TRDN: variants seen among roughly 807,000 people sequenced by gnomAD.
TRDN encodes the protein triadin.
A neutral mutation model predicts 149.7 loss-of-function variants in TRDN; 161 were observed. The observed-to-expected ratio is 1.08, with a 90% CI of 0.95 to 1.23. The LOEUF is 1.23. Among genes scored for constraint, TRDN ranks in the 50% most tolerant of loss-of-function variants. The pLI, the probability that TRDN is intolerant of heterozygous loss-of-function variation, is 0.00. For synonymous variants in TRDN, 294 were observed against 250.5 expected, an observed-to-expected ratio of 1.17 and a Z score of -1.64; for missense variants, 896 against 823.5, an observed-to-expected ratio of 1.09 and a Z score of -1.08.
chr6:123,420,973 A>G (rs1582997932), intron 12 of TRDN, among the ~76,000 whole-genome samples: 2 of 152,362 alleles, frequency 1.3e-5, no homozygotes, highest in African/African-American at 2.4e-5. Context: ...TTAAAAAGTC[A>G]TCATGACAGA....
At chr6:123,223,700 C>A (rs986629109) in intron 39 of TRDN, among the ~76,000 whole-genome samples, 2 of 148,308 alleles carry the variant, frequency 1.3e-5, no homozygotes, top group African/African-American at 4.9e-5. Context: ...TTCCTTCCTT[C>A]CTTCCTTCCT....
chr6:123,378,210 A>G (rs1243183940), intron 16 of TRDN, among the ~76,000 whole-genome samples: 1 of 152,210 alleles, frequency 6.6e-6, no homozygotes, highest in Non-Finnish European at 1.5e-5. Context: ...TTGCTATTAT[A>G]TTAGATCAAT....
chr6:123,411,335 G>T (rs148377825), intron 12 of TRDN, among the ~76,000 whole-genome samples: 1 of 152,006 alleles, frequency 6.6e-6, no homozygotes, highest in Non-Finnish European at 1.5e-5. Context: ...ATGAGCCACC[G>T]CACCCAGCCT....
chr6:123,497,422 A>G (rs567181892), intron 8 of TRDN, among the ~76,000 whole-genome samples, 170 bp from the exon 9 acceptor site: 1 of 152,148 alleles, frequency 6.6e-6, no homozygotes, highest in Non-Finnish European at 1.5e-5. Flanking sequence ...AGAAGGAAAG[A>G]AAGACGACAA....
intron 24 of TRDN, among the ~76,000 whole-genome samples, chr6:123,280,061 G>A (rs6936977): frequency 0.14 from 21,730 of 152,116 alleles, 1,814 homozygotes; most frequent in African/African-American, 0.22. Flanking sequence ...CTTCCGCTTA[G>A]TGCTTGGAGA....
Position 123,337,647 on chromosome 6 carries a change from C to A in TRDN, c.1392G>T (p.Gly464=), listed in dbSNP as rs1462023826. ...TATCTTTCAGAATTGAAGAAGTCTT[C>A]CCAGATTTTTCTTTTCTAATTTCTG... ...VEQEIRKEKS[G]KTSSILKDKE... The change falls in exon 22 of 41, where the codon GGG becomes GGT. Residue 464 remains glycine, a synonymous_variant. Transcript: ENST00000334268. 1.4e-6 allele frequency: 2 copies of A among 1,449,732 alleles called. No homozygotes were observed. Among genetic ancestry groups the A allele is most frequent in the South Asian group, 1.4e-5 (1 of 72,758 alleles). 89.8% of individuals were successfully genotyped at this position (1,449,732 alleles called of 1,614,324 possible).
intron 1 of TRDN, among the ~76,000 whole-genome samples, chr6:123,634,493 T>C (rs1327375039): frequency 6.6e-6 from 1 of 151,600 alleles, no homozygotes; most frequent in African/African-American, 2.4e-5. Context: ...GCAGATGAGA[T>C]AAAATAAGAC....
chr6:123,616,406 T>A (rs2114696336), intron 1 of TRDN, among the ~76,000 whole-genome samples: 1 of 151,248 alleles, frequency 6.6e-6, no homozygotes, highest in East Asian at 1.9e-4. Context: ...AAAAAAAAAA[T>A]CAAATGTTTT....
intron 2 of TRDN, among the ~76,000 whole-genome samples, chr6:123,556,839 G>A (rs770996797): frequency 3.9e-5 from 6 of 152,020 alleles, no homozygotes; most frequent in Non-Finnish European, 8.8e-5. Flanking sequence ...ATCCCAAAGC[G>A]ATAGTGTCAG....
intron 9 of TRDN, among the ~76,000 whole-genome samples, chr6:123,467,708 A>G (rs1469007593): frequency 2.0e-5 from 3 of 152,198 alleles, no homozygotes; most frequent in Non-Finnish European, 4.4e-5. Flanking sequence ...CCTGACTCAT[A>G]TAATCAGTAA....
chr6:123,360,704 AGAGAGAGAGAGAGACG>A (rs796420468), intron 20 of TRDN, among the ~76,000 whole-genome samples: 1,130 of 77,558 alleles, frequency 0.015, 13 homozygotes, highest in African/African-American at 0.067. Context: ...ACAGAGAGAA[AGAGAGAGAGAGAGACG>A]GAGAGAGAGA....
At chr6:123,581,516 G>A (rs1783121616) in intron 1 of TRDN, among the ~76,000 whole-genome samples, 1 of 152,104 alleles carries the variant, frequency 6.6e-6, no homozygotes, top group Non-Finnish European at 1.5e-5. Flanking sequence ...CAGGAAATCA[G>A]CTTTAAAAAG....
intron 24 of TRDN, among the ~76,000 whole-genome samples, chr6:123,295,895 G>A (rs1048082862): frequency 1.3e-5 from 2 of 151,970 alleles, no homozygotes; most frequent in East Asian, 1.9e-4. Flanking sequence ...AACCCAGGAG[G>A]TGGAGGTTAC....
intron 23 of TRDN, among the ~76,000 whole-genome samples, chr6:123,322,445 T>C (rs1237133754): frequency 1.3e-5 from 2 of 152,052 alleles, no homozygotes; most frequent in East Asian, 1.9e-4. Context: ...ATCTCAGGAA[T>C]TTGTGGCTAG....
At chr6:123,588,023 CTTA>C (rs1783592692) in intron 1 of TRDN, among the ~76,000 whole-genome samples, 1 of 151,970 alleles carries the variant, frequency 6.6e-6, no homozygotes, top group African/African-American at 2.4e-5. Flanking sequence ...GATCAAGTTT[CTTA>C]TTATGTAAGT....
chr6:123,373,343 C>T (rs1471826565), intron 19 of TRDN, among the ~76,000 whole-genome samples: 3 of 152,154 alleles, frequency 2.0e-5, no homozygotes, highest in Non-Finnish European at 4.4e-5. Context: ...GTGACTTGCT[C>T]CTCCTTGCCT....
intron 20 of TRDN, among the ~76,000 whole-genome samples, chr6:123,365,157 G>A (rs1195388866): frequency 6.6e-6 from 1 of 152,158 alleles, no homozygotes; most frequent in African/African-American, 2.4e-5. Flanking sequence ...TAATAGAGCT[G>A]TATTTGAAAG....
chr6:123,473,803 GA>G (rs1319937874), intron 9 of TRDN, among the ~76,000 whole-genome samples: 1 of 152,004 alleles, frequency 6.6e-6, no homozygotes, highest in Non-Finnish European at 1.5e-5. Flanking sequence ...CATTCTTAAA[GA>G]AAAGAATTTT....
chr6:123,406,242 G>A (rs1220896916), intron 12 of TRDN, among the ~76,000 whole-genome samples: 1 of 152,084 alleles, frequency 6.6e-6, no homozygotes, highest in African/African-American at 2.4e-5. Context: ...CATCAAGATT[G>A]TATACCACAT....
Sources: allele counts gnomAD v4.1 joint callset (sites outside exome capture counted in the v4.1 genomes callset), GRCh38; gene constraint gnomAD v4.1.1; transcripts MANE v1.5; gene names NCBI Gene and HGNC (gene_info 2026-07-23, HGNC 2026-07-21).